CAMTA1: variants seen among roughly 807,000 people sequenced by gnomAD.
CAMTA1 encodes the protein calmodulin-binding transcription activator 1.
CAMTA1 carries 27 observed loss-of-function variants against 170.9 expected under a neutral mutation model. That is an observed-to-expected ratio of 0.16 (90% CI 0.12 to 0.22). The LOEUF (loss-of-function observed/expected upper bound fraction) is 0.22, where lower values mean the gene tolerates loss of function less well. Ranked by LOEUF, CAMTA1 falls within the 10% of genes least tolerant of loss-of-function variation. The probability of loss-of-function intolerance (pLI) is 1.00; values close to 1 mark genes in which losing one functional copy is unlikely to be tolerated. For synonymous variants in CAMTA1, 833 were observed against 891.5 expected (o/e 0.93, Z 1.17); for missense variants, 1,619 against 2,217.2 (o/e 0.73, Z 5.42).
At chr1:7,130,083 C>T (rs867564003) in intron 4 of CAMTA1, among the ~76,000 whole-genome samples, 10 of 152,142 alleles carry the variant, frequency 6.6e-5, no homozygotes, top group South Asian at 2.1e-4. Flanking sequence ...ACTACAGGCA[C>T]GTGCGTCACT....
chr1:7,555,590 C>G (rs34872342), intron 6 of CAMTA1, among the ~76,000 whole-genome samples: 29 of 144,972 alleles, frequency 2.0e-4, no homozygotes, highest in African/African-American at 7.3e-4. Flanking sequence ...CCCAAGGAGC[C>G]GAATGAGGTC....
chr1:7,361,602 C>T (rs845260), intron 5 of CAMTA1, among the ~76,000 whole-genome samples: 95,603 of 152,084 alleles, frequency 0.63, 31,861 homozygotes, highest in Non-Finnish European at 0.75. Flanking sequence ...AGCAACTTTT[C>T]CACAGTGTGA....
intron 5 of CAMTA1, among the ~76,000 whole-genome samples, chr1:7,332,924 G>A (rs550993195): frequency 1.5e-4 from 23 of 152,324 alleles, no homozygotes; most frequent in Admixed American, 1.1e-3. Flanking sequence ...AAAGCTGACC[G>A]TAGGCTTGAT....
intron 5 of CAMTA1, among the ~76,000 whole-genome samples, chr1:7,260,924 A>G (rs1370138361): frequency 6.6e-6 from 1 of 152,222 alleles, no homozygotes; most frequent in East Asian, 1.9e-4. Flanking sequence ...TTGATTACTT[A>G]GAATGTATTT....
At chr1:7,506,755 A>G (rs2094120500) in intron 6 of CAMTA1, among the ~76,000 whole-genome samples, 1 of 151,264 alleles carries the variant, frequency 6.6e-6, no homozygotes, top group Non-Finnish European at 1.5e-5. Flanking sequence ...ACAAAATCTC[A>G]CATGCTCACA....
At chr1:7,142,521 G>A (rs79630160) in intron 4 of CAMTA1, among the ~76,000 whole-genome samples, 1,739 of 152,308 alleles carry the variant, frequency 0.011, 30 homozygotes, top group African/African-American at 0.04. Context: ...AATGCTGGAG[G>A]TGGGACCTAA....
At chr1:7,411,774 A>G (rs537506892) in intron 5 of CAMTA1, among the ~76,000 whole-genome samples, 1 of 151,886 alleles carries the variant, frequency 6.6e-6, no homozygotes, top group South Asian at 2.1e-4. Context: ...TATTATTATT[A>G]TACTTTAAGT....
chr1:7,535,972 T>C (rs938334141), intron 6 of CAMTA1, among the ~76,000 whole-genome samples: 1 of 152,260 alleles, frequency 6.6e-6, no homozygotes, highest in African/African-American at 2.4e-5. Flanking sequence ...TTTCTGTGCA[T>C]GAAATGCAAG....
chr1:7,584,647 G>T (rs1461180679), intron 6 of CAMTA1, among the ~76,000 whole-genome samples: 4 of 152,190 alleles, frequency 2.6e-5, no homozygotes, highest in South Asian at 4.1e-4. Flanking sequence ...CAGGGGTTCT[G>T]CCCCCATGGG....
intron 6 of CAMTA1, among the ~76,000 whole-genome samples, chr1:7,528,927 CTG>C (rs1169000600): frequency 1.3e-5 from 2 of 152,200 alleles, no homozygotes; most frequent in African/African-American, 4.8e-5. Context: ...TTCTGTTCCC[CTG>C]TGTAGGGTAG....
At chr1:6,940,402 A>T (rs112900196) in intron 3 of CAMTA1, among the ~76,000 whole-genome samples, 12,242 of 150,098 alleles carry the variant, frequency 0.082, 872 homozygotes, top group Admixed American at 0.26. Flanking sequence ...CTCTACTCAG[A>T]TGCTCAGTGG....
chr1:7,357,206 A>G (rs2085183886), intron 5 of CAMTA1, among the ~76,000 whole-genome samples: 1 of 152,224 alleles, frequency 6.6e-6, no homozygotes, highest in Non-Finnish European at 1.5e-5. Context: ...GAAAGAAGGC[A>G]TCGAGGGATG....
At chr1:7,499,439 C>CGTGT (rs1491162135) in intron 6 of CAMTA1, among the ~76,000 whole-genome samples, 6 of 17,858 alleles carry the variant, frequency 3.4e-4, no homozygotes, top group African/African-American at 7.8e-4. Flanking sequence ...GCCTGGTGTG[C>CGTGT]ATATGTATAT....
intron 5 of CAMTA1, among the ~76,000 whole-genome samples, chr1:7,427,145 AT>A (rs778222636): frequency 5.3e-5 from 8 of 152,168 alleles, no homozygotes; most frequent in Non-Finnish European, 1.0e-4. Flanking sequence ...AGAGCTGTTT[AT>A]TACAACCCTG....
chr1:7,753,555 C>T (rs914292212), intron 21 of CAMTA1, among the ~76,000 whole-genome samples: 1 of 152,178 alleles, frequency 6.6e-6, no homozygotes, highest in African/African-American at 2.4e-5. Flanking sequence ...TTTCTTACTC[C>T]TATACCATAT....
chr1:6,938,546 G>A (rs1216409527), intron 3 of CAMTA1, among the ~76,000 whole-genome samples: 1 of 152,192 alleles, frequency 6.6e-6, no homozygotes, highest in Non-Finnish European at 1.5e-5. Context: ...AGTCAACCAT[G>A]CTGTCCTCCC....
intron 5 of CAMTA1, among the ~76,000 whole-genome samples, chr1:7,318,908 G>C (rs1677944572): frequency 6.6e-6 from 1 of 152,218 alleles, no homozygotes; most frequent in South Asian, 2.1e-4. Flanking sequence ...TGGACTGCTA[G>C]GGAAACCGGG....
intron 4 of CAMTA1, among the ~76,000 whole-genome samples, chr1:7,188,016 C>T (rs745446126): frequency 6.6e-6 from 1 of 152,204 alleles, no homozygotes; most frequent in Non-Finnish European, 1.5e-5. Context: ...AACTTACAAT[C>T]ATGGTGGAAG....
At chr1:7,183,161 G>A (rs929767189) in intron 4 of CAMTA1, among the ~76,000 whole-genome samples, 4 of 152,178 alleles carry the variant, frequency 2.6e-5, no homozygotes, top group Admixed American at 1.3e-4. Context: ...TAATCATGGT[G>A]GAAGGGAAGG....
Sources: allele counts gnomAD v4.1 joint callset (sites outside exome capture counted in the v4.1 genomes callset), GRCh38; gene constraint gnomAD v4.1.1; transcripts MANE v1.5; gene names NCBI Gene and HGNC (gene_info 2026-07-23, HGNC 2026-07-21).